POU2F1: variants seen among roughly 807,000 people sequenced by gnomAD.
The protein encoded by POU2F1 is POU class 2 homeobox 1.
POU2F1 carries 16 observed loss-of-function variants against 84.9 expected under a neutral mutation model. The ratio of observed to expected loss-of-function variants is 0.19; its 90% confidence interval spans 0.13 to 0.29. The LOEUF (loss-of-function observed/expected upper bound fraction) is 0.29, where lower values mean the gene tolerates loss of function less well. Among genes scored for constraint, POU2F1 ranks in the 10% least tolerant of loss-of-function variants. The probability of loss-of-function intolerance (pLI) is 1.00; values close to 1 mark genes in which losing one functional copy is unlikely to be tolerated. For synonymous variants in POU2F1, 368 were observed against 368.3 expected (o/e 1.00, Z 0.01); for missense variants, 738 against 942.6 (o/e 0.78, Z 2.84).
In POU2F1 at chr1:167,365,530, C is replaced by T; in HGVS notation, c.191C>T (p.Thr64Ile). The stretch of plus-strand genomic sequence containing the variant: ...GTGCCTGTAGGAGGAGCAATCTCAA[C>T]AGCCCAGGCGCAGGCTTTCCTTGGA... Reference protein sequence around the residue: ...QPVPVGGAISTAQAQAFLGHL... With the variant: ...QPVPVGGAISIAQAQAFLGHL... The change falls in exon 3 of 16, where the codon ACA becomes ATA. Residue 64 changes from threonine (T) to isoleucine (I), a missense_variant. Around this residue, in one of 4 missense-constraint regions of POU2F1, gnomAD observed 161 missense variants for 147.0 expected, o/e 1.10. Transcript: ENST00000367866. 1.2e-6 allele frequency: 2 copies of T among 1,602,974 alleles called. No homozygotes were observed. Among genetic ancestry groups the T allele is most frequent in the Non-Finnish European group, 1.7e-6 (2 of 1,175,186 alleles).
At chr1:167,410,199 T>G (rs1299037471) in intron 13 of POU2F1, among the ~76,000 whole-genome samples, 3 of 152,242 alleles carry the variant, frequency 2.0e-5, no homozygotes, top group African/African-American at 4.8e-5. Flanking sequence ...AAAGCCTTCC[T>G]TTTTATTTAA....
At chr1:167,412,962 T>C in intron 14 of POU2F1, 64 bp from the exon 15 acceptor site, 1 of 1,330,686 alleles carries the variant, frequency 7.5e-7, no homozygotes, top group Non-Finnish European at 1.1e-6. Context: ...TTCCTTTTGG[T>C]GTGTTGTCAA....
At chr1:167,396,156 G>A (rs1014218961) in intron 9 of POU2F1, 130 bp from the exon 10 acceptor site, 5 of 1,081,292 alleles carry the variant, frequency 4.6e-6, no homozygotes, top group African/African-American at 1.6e-5. Context: ...GTGGGACCCC[G>A]TAAGTGGAAT....
chr1:167,330,842 T>C (rs1026388444), intron 1 of POU2F1, among the ~76,000 whole-genome samples: 1 of 152,114 alleles, frequency 6.6e-6, no homozygotes, highest in African/African-American at 2.4e-5. Flanking sequence ...GAGAAAACTG[T>C]TACTCTTTTT....
At chr1:167,286,906 A>C (rs952513765) in intron 1 of POU2F1, among the ~76,000 whole-genome samples, 1 of 152,218 alleles carries the variant, frequency 6.6e-6, no homozygotes, top group African/African-American at 2.4e-5. Flanking sequence ...CAAGGATGTG[A>C]AGGATTTCCC....
chr1:167,266,622 A>ATTT (rs34659711), intron 1 of POU2F1, among the ~76,000 whole-genome samples: 6 of 136,828 alleles, frequency 4.4e-5, no homozygotes, highest in Non-Finnish European at 6.3e-5. Context: ...AATACTATTA[A>ATTT]TTTTTTTTTT....
chr1:167,394,130 G>A (rs1012868592), intron 9 of POU2F1, among the ~76,000 whole-genome samples: 10 of 151,672 alleles, frequency 6.6e-5, no homozygotes, highest in Non-Finnish European at 1.5e-4. Flanking sequence ...AGCAGTTCTC[G>A]TGCCTCAGCC....
At chr1:167,381,603 CTTTTTTTT>C (rs147770215) in intron 7 of POU2F1, among the ~76,000 whole-genome samples, 349 of 66,042 alleles carry the variant, frequency 5.3e-3, no homozygotes, top group African/African-American at 0.021. Flanking sequence ...GCTCTCTTCT[CTTTTTTTT>C]TTTTTTTTTT....
In POU2F1 at chr1:167,325,666, C is replaced by T. The variant is rs918201433; in HGVS notation, c.62-6804C>T. On this transcript the variant is annotated intron_variant, in intron 1 of 15. Coordinates refer to ENST00000367866, the MANE Select transcript of POU2F1 (RefSeq NM_002697.4). The stretch of plus-strand genomic sequence containing the variant: ...CAGCACTTTGGGAGGCCAAGGTGGG[C>T]GAATCACGAGGTCAGGAGTTCGAGA... Among the ~76,000 whole-genome samples, 4 of 151,924 alleles carry T rather than the reference C, an allele frequency of 2.6e-5. No homozygotes were observed. In the South Asian group the frequency reaches 6.2e-4, roughly 24 times the overall value.
chr1:167,268,876 CTCTG>C (rs1319253047), intron 1 of POU2F1, among the ~76,000 whole-genome samples: 2 of 152,174 alleles, frequency 1.3e-5, no homozygotes, highest in Non-Finnish European at 2.9e-5. Context: ...GTTCTCTATT[CTCTG>C]TCTTTTAATC....
At chr1:167,348,684 T>C (rs1658361734) in intron 2 of POU2F1, among the ~76,000 whole-genome samples, 2 of 152,212 alleles carry the variant, frequency 1.3e-5, no homozygotes, top group Admixed American at 1.3e-4. Context: ...GAGATGAGAA[T>C]GGGCAATAAT....
At chr1:167,302,075 C>T (rs1654735217) in intron 1 of POU2F1, among the ~76,000 whole-genome samples, 1 of 151,872 alleles carries the variant, frequency 6.6e-6, no homozygotes, top group African/African-American at 2.4e-5. Flanking sequence ...TTTTATTTAT[C>T]CCCCGCCCCC....
chr1:167,258,234 A>T lies in POU2F1; in HGVS notation c.61+37276A>T, dbSNP rs929342596. 1.3e-5 allele frequency among the ~76,000 whole-genome samples: 2 copies of T among 152,250 alleles called. 1 individual carries two copies. The highest frequency in any genetic ancestry group is 3.9e-4 in the East Asian group (2 of 5,184). On this transcript the variant is annotated intron_variant, in intron 1 of 15. Coordinates refer to ENST00000367866, the MANE Select transcript of POU2F1 (RefSeq NM_002697.4). ...GACTCCAGAAGTGACTGCGGGTAAC[A>T]TTTTGCTTCATTTTCTACTGTTTCT...
intron 2 of POU2F1, among the ~76,000 whole-genome samples, chr1:167,343,943 G>A (rs370513494): frequency 1.2e-4 from 18 of 152,074 alleles, no homozygotes; most frequent in African/African-American, 3.6e-4. Flanking sequence ...ATGCTACGGG[G>A]AGGAGAGTGG....
rs1017005609 is a variant in POU2F1, at chr1:167,422,996, G to A, written c.*7186G>A. The A allele has an allele frequency of 6.6e-6, 1 of 152,108 alleles. No homozygotes were observed. 9.4% of individuals were successfully genotyped at this position (152,108 alleles called of 1,614,324 possible). ...TGCTCAATCTAGCAGTGATGTTCTT[G>A]GAATTGCTGAGAAATTTGGGGAGGG... On this transcript the variant is annotated 3_prime_UTR_variant, in exon 16 of 16. Transcript: ENST00000367866.
intron 7 of POU2F1, among the ~76,000 whole-genome samples, chr1:167,378,711 G>A (rs1034168485): frequency 1.3e-5 from 2 of 151,580 alleles, no homozygotes; most frequent in African/African-American, 4.8e-5. Flanking sequence ...AGGCCTTTTT[G>A]TTTTTTTGTG....
chr1:167,265,034 T>G (rs961797445), intron 1 of POU2F1, among the ~76,000 whole-genome samples: 5 of 152,218 alleles, frequency 3.3e-5, no homozygotes, highest in African/African-American at 4.8e-5. Flanking sequence ...CTGCCAGTCC[T>G]TCCCTACTTT....
chr1:167,294,427 C>T (rs1019222798), intron 1 of POU2F1, among the ~76,000 whole-genome samples: 3 of 152,006 alleles, frequency 2.0e-5, no homozygotes, highest in African/African-American at 7.2e-5. Context: ...TGGGACCTAA[C>T]GGAATCAAAA....
At chr1:167,326,773 T>A (rs552803922) in intron 1 of POU2F1, among the ~76,000 whole-genome samples, 2 of 152,248 alleles carry the variant, frequency 1.3e-5, no homozygotes, top group East Asian at 3.9e-4. Flanking sequence ...TCCTGTTGGG[T>A]ACAGACACAC....
Sources: gnomAD v4.1 joint callset for allele counts (sites outside exome capture counted in the v4.1 genomes callset) on GRCh38, gnomAD v4.1.1 for gene constraint, gnomAD v4.1.1 regional missense constraint, MANE v1.5 for transcripts, NCBI Gene and HGNC (gene_info 2026-07-23, HGNC 2026-07-21) for gene names.